The following CACNA2D3 variants were observed in gnomAD, a reference collection of about 807,000 sequenced individuals.
CACNA2D3 encodes calcium voltage-gated channel auxiliary subunit alpha2delta 3, also known as voltage-dependent calcium channel subunit alpha-2/delta-3.
Under a neutral mutation model 160.6 loss-of-function variants are expected in CACNA2D3, and 60 were observed. That is an observed-to-expected ratio of 0.37 (90% CI 0.30 to 0.46). The LOEUF is 0.46. Among genes scored for constraint, CACNA2D3 ranks in the 20% least tolerant of loss-of-function variants. The pLI is 1.00. For synonymous variants in CACNA2D3, 558 were observed against 492.9 expected (o/e 1.13, Z -1.75); for missense variants, 1,205 against 1,365.0 (o/e 0.88, Z 1.85).
intron 27 of CACNA2D3, among the ~76,000 whole-genome samples, chr3:54,915,606 C>T (rs748566754): frequency 1.2e-4 from 19 of 152,178 alleles, no homozygotes; most frequent in Admixed American, 3.9e-4. Flanking sequence ...TTGTGGTTCT[C>T]ACAGAATACC....
intron 29 of CACNA2D3, among the ~76,000 whole-genome samples, chr3:54,976,972 T>G (rs1350906392): frequency 6.6e-6 from 1 of 152,226 alleles, no homozygotes; most frequent in Non-Finnish European, 1.5e-5. Context: ...AAAAGTTATT[T>G]TGAATATTTT....
chr3:54,433,238 A>G (rs1363108341), intron 4 of CACNA2D3, among the ~76,000 whole-genome samples: 1 of 152,176 alleles, frequency 6.6e-6, no homozygotes, highest in Non-Finnish European at 1.5e-5. Flanking sequence ...TCCAATGTCT[A>G]GGTCTCTTTC....
rs544109329 is a variant in CACNA2D3 at position 54,819,798 on chromosome 3, T to C, written c.1398+2928T>C. Among the ~76,000 whole-genome samples, 21 of 150,826 alleles carry C rather than the reference T, an allele frequency of 1.4e-4. 1 individual carries two copies. The South Asian group carries it at 4.4e-3, about 32-fold the overall frequency. On this transcript the variant is annotated intron_variant, in intron 14 of 37. Transcript: ENST00000474759. ...AGGTGGAGGTTGCAGTGAGCCGAGATCACACTACTGCACTCCAGCCTGGTG... is the reference window on the plus strand; with the variant it reads ...AGGTGGAGGTTGCAGTGAGCCGAGACCACACTACTGCACTCCAGCCTGGTG...
intron 2 of CACNA2D3, among the ~76,000 whole-genome samples, chr3:54,180,007 GAGA>G (rs1283281977): frequency 1.3e-5 from 2 of 151,642 alleles, no homozygotes; most frequent in South Asian, 2.1e-4. Flanking sequence ...CTTAATTTCT[GAGA>G]AGGTTTCATT....
At chr3:55,032,818 A>G (rs1703710453) in intron 35 of CACNA2D3, among the ~76,000 whole-genome samples, 1 of 151,898 alleles carries the variant, frequency 6.6e-6, no homozygotes, top group African/African-American at 2.4e-5. Context: ...AGACAGGAAC[A>G]TGTCATGTTA....
chr3:54,539,840 C>T (rs573444684), intron 5 of CACNA2D3, among the ~76,000 whole-genome samples: 4 of 152,228 alleles, frequency 2.6e-5, no homozygotes, highest in South Asian at 2.1e-4. Context: ...GTATTCTCTG[C>T]GCCAGCCAGT....
chr3:54,538,023 G>A (rs1368305829), intron 5 of CACNA2D3, among the ~76,000 whole-genome samples: 1 of 152,156 alleles, frequency 6.6e-6, no homozygotes, highest in East Asian at 1.9e-4. Flanking sequence ...ACCCAGGAGT[G>A]CTCCACCCTG....
At chr3:54,789,822 C>A in intron 13 of CACNA2D3, 1 of 514,056 alleles carries the variant, frequency 1.9e-6, no homozygotes, top group Non-Finnish European at 3.9e-6. Flanking sequence ...TAAAGTGAGC[C>A]CGAGCTTAAA....
chr3:54,568,352 G>T (rs1436846672), intron 6 of CACNA2D3, among the ~76,000 whole-genome samples: 2 of 152,114 alleles, frequency 1.3e-5, no homozygotes, highest in African/African-American at 2.4e-5. Context: ...CTGGGGACAG[G>T]GGTGGCCGTG....
At chr3:54,305,594 A>G (rs1488964512) in intron 2 of CACNA2D3, among the ~76,000 whole-genome samples, 3 of 152,274 alleles carry the variant, frequency 2.0e-5, no homozygotes, top group African/African-American at 7.2e-5. Context: ...GACATAGACC[A>G]GCATTTGCCC....
rs115745030 is a variant in CACNA2D3 at position 54,492,062 on chromosome 3, C to T, written c.382-11430C>T. On this transcript the variant is annotated intron_variant, in intron 4 of 37. Coordinates refer to ENST00000474759, the MANE Select transcript of CACNA2D3 (RefSeq NM_018398.3). Reference sequence around the variant, plus strand: ...TCTGAAGCTTTGCTCTACATGGTTACAGGAGCCTAGATAAACTGGTGATTA... The same window carrying T: ...TCTGAAGCTTTGCTCTACATGGTTATAGGAGCCTAGATAAACTGGTGATTA... Among the ~76,000 whole-genome samples the T allele has an allele frequency of 3.7e-3, 562 of 152,264 alleles. 2 individuals are homozygous for T. The highest frequency in any genetic ancestry group is 0.013 in the African/African-American group (537 of 41,548).
intron 3 of CACNA2D3, chr3:54,385,815 T>C (rs1255300533): frequency 2.3e-6 from 1 of 432,082 alleles, no homozygotes; most frequent in Admixed American, 3.2e-5. Context: ...AAAGACAGCA[T>C]AGGATACAAG....
Position 54,303,155 on chromosome 3 carries a change from G to T in CACNA2D3, c.205-17287G>T, listed in dbSNP as rs77995629. Reference sequence around the variant, plus strand: ...ACATGTGTGTTCTGTGCTTTTATTTGGTTGACATCTCCCCAGTAGATTCTA... The same window carrying T: ...ACATGTGTGTTCTGTGCTTTTATTTTGTTGACATCTCCCCAGTAGATTCTA... On this transcript the variant is annotated intron_variant, in intron 2 of 37. Transcript: ENST00000474759. 5.5e-4 allele frequency among the ~76,000 whole-genome samples: 84 copies of T among 152,188 alleles called. 1 individual carries two copies. Among genetic ancestry groups the T allele is most frequent in the Non-Finnish European group, 9.9e-4 (67 of 68,004 alleles).
intron 4 of CACNA2D3, among the ~76,000 whole-genome samples, chr3:54,468,641 C>T (rs918181943): frequency 7.9e-5 from 12 of 152,160 alleles, no homozygotes; most frequent in Admixed American, 2.0e-4. Flanking sequence ...CTCAGCAGAT[C>T]CCACCCCCAC....
chr3:54,309,169 A>G (rs1219137419), intron 2 of CACNA2D3, among the ~76,000 whole-genome samples: 2 of 152,234 alleles, frequency 1.3e-5, no homozygotes, highest in African/African-American at 4.8e-5. Context: ...GAGTTTTTAA[A>G]ATAAGCATTG....
intron 31 of CACNA2D3, among the ~76,000 whole-genome samples, chr3:54,989,797 C>T (rs144414930): frequency 6.6e-6 from 1 of 152,320 alleles, no homozygotes; most frequent in East Asian, 1.9e-4. Flanking sequence ...TTGCTTTCCA[C>T]TTAGCACCAG....
chr3:54,211,286 G>T (rs1701366945), intron 2 of CACNA2D3, among the ~76,000 whole-genome samples: 1 of 151,922 alleles, frequency 6.6e-6, no homozygotes, highest in Non-Finnish European at 1.5e-5. Flanking sequence ...ACACTTCCTT[G>T]GTTCTTTTTA....
chr3:54,498,445 AT>A, intron 4 of CACNA2D3, among the ~76,000 whole-genome samples: 1 of 151,970 alleles, frequency 6.6e-6, no homozygotes, highest in Middle Eastern at 3.4e-3. Context: ...TTCATCCCAG[AT>A]ACTGGTATTT....
At chr3:54,478,192 T>A (rs549647383) in intron 4 of CACNA2D3, among the ~76,000 whole-genome samples, 89 of 152,260 alleles carry the variant, frequency 5.8e-4, no homozygotes, top group African/African-American at 2.0e-3. Context: ...TATTTAAATT[T>A]AAAAATAACA....
Sources: allele counts gnomAD v4.1 joint callset (sites outside exome capture counted in the v4.1 genomes callset), GRCh38; gene constraint gnomAD v4.1.1; transcripts MANE v1.5; gene names NCBI Gene and HGNC (gene_info 2026-07-23, HGNC 2026-07-21).